PLCH1: variants seen among roughly 807,000 people sequenced by gnomAD.
PLCH1 encodes the protein 1-phosphatidylinositol 4,5-bisphosphate phosphodiesterase eta-1.
A neutral mutation model predicts 126.7 loss-of-function variants in PLCH1; 60 were observed. That is an observed-to-expected ratio of 0.47 (90% confidence interval 0.38 to 0.59). The LOEUF (loss-of-function observed/expected upper bound fraction) is 0.59. Ranked by LOEUF, PLCH1 falls within the 20% of genes least tolerant of loss-of-function variation. The pLI is 0.00. For synonymous variants in PLCH1, 719 were observed against 734.9 expected (o/e 0.98, Z 0.35); for missense variants, 1,723 against 2,040.0 (o/e 0.84, Z 2.99).
chr3:155,511,705 C>T lies in PLCH1; in HGVS notation c.1632+3018G>A, dbSNP rs965347836. On this transcript the variant is annotated intron_variant, in intron 12 of 22. Coordinates refer to ENST00000460012, the MANE Select transcript of PLCH1 (RefSeq NM_014996.4). ...GGACCCACTTGAGGAGGCAGTCTGC[C>T]CGTTCTCAGATCTCCAGCTGCGTGC... Among the ~76,000 whole-genome samples, 7 of 142,680 alleles carry T rather than the reference C, an allele frequency of 4.9e-5. No individual in the cohort carries two copies. The East Asian group carries it at 8.3e-4, about 17-fold the overall frequency. The allele number at this position is 142,680 out of a possible 152,430, so 93.6% of individuals were successfully genotyped here. A position where few individuals can be genotyped will look rare whatever the true frequency, so the allele number is the denominator to read the frequency against.
At position 155,491,014 on chromosome 3, in the gene PLCH1, G is replaced by A. The variant is rs1432191858; in HGVS notation, c.2308-146C>T. 4.2e-5 allele frequency: 24 copies of A among 571,174 alleles called. No individual in the cohort carries two copies. The South Asian group carries it at 5.3e-4, about 13-fold the overall frequency. 35.4% of individuals were successfully genotyped at this position (571,174 alleles called of 1,614,324 possible). On this transcript the variant is annotated intron_variant, in intron 18 of 22. Coordinates refer to ENST00000460012, the MANE Select transcript of PLCH1 (RefSeq NM_014996.4). ...GTAAGAAAAAGAAATGGTACTAGGTGTGGTGGATTCAGATATATGAGACAA... is the reference window on the plus strand; with the variant it reads ...GTAAGAAAAAGAAATGGTACTAGGTATGGTGGATTCAGATATATGAGACAA...
At chr3:155,544,491 T>C (rs979336475) in intron 10 of PLCH1, among the ~76,000 whole-genome samples, 9 of 152,068 alleles carry the variant, frequency 5.9e-5, no homozygotes, top group Admixed American at 2.0e-4. Flanking sequence ...GACAGAAAGT[T>C]AACAAGGATA....
intron 10 of PLCH1, among the ~76,000 whole-genome samples, chr3:155,526,973 C>A (rs1204751794): frequency 6.6e-6 from 1 of 152,208 alleles, no homozygotes; most frequent in African/African-American, 2.4e-5. Flanking sequence ...TCAGGAACTA[C>A]TGCCAGAAGT....
intron 1 of PLCH1, among the ~76,000 whole-genome samples, chr3:155,712,121 A>G (rs1308548551): frequency 6.6e-6 from 1 of 152,198 alleles, no homozygotes; most frequent in Non-Finnish European, 1.5e-5. Context: ...CTGATGAAAT[A>G]CGTCAGCATA....
intron 2 of PLCH1, among the ~76,000 whole-genome samples, chr3:155,629,224 C>T (rs1243583773): frequency 6.6e-6 from 1 of 152,202 alleles, no homozygotes; most frequent in African/African-American, 2.4e-5. Context: ...AATGCAGCGG[C>T]TCAAAGTAGT....
At chr3:155,722,751 A>G (rs546352236) in intron 1 of PLCH1, among the ~76,000 whole-genome samples, 6 of 152,232 alleles carry the variant, frequency 3.9e-5, no homozygotes, top group Admixed American at 2.0e-4. Context: ...TTTTGCATCT[A>G]TGTTCATCAA....
intron 6 of PLCH1, among the ~76,000 whole-genome samples, chr3:155,572,070 A>C (rs907073543): frequency 6.6e-6 from 1 of 152,192 alleles, no homozygotes; most frequent in Non-Finnish European, 1.5e-5. Flanking sequence ...CTCAAGTTCC[A>C]CATAATCAAA....
At chr3:155,467,425 T>G (rs1247213246) in intron 21 of PLCH1, among the ~76,000 whole-genome samples, 1 of 151,804 alleles carries the variant, frequency 6.6e-6, no homozygotes, top group Non-Finnish European at 1.5e-5. Flanking sequence ...AATACAAAAA[T>G]TAGCTGGACG....
intron 21 of PLCH1, among the ~76,000 whole-genome samples, chr3:155,471,885 C>T (rs1469853180): frequency 1.3e-5 from 2 of 151,826 alleles, no homozygotes; most frequent in Non-Finnish European, 2.9e-5. Flanking sequence ...CCAACGAGAA[C>T]AAAGACACAA....
intron 2 of PLCH1, among the ~76,000 whole-genome samples, chr3:155,639,371 G>A (rs1385192681): frequency 6.6e-6 from 1 of 152,062 alleles, no homozygotes; most frequent in Non-Finnish European, 1.5e-5. Context: ...TTAGGCAGGA[G>A]GATCACTTGA....
At chr3:155,744,480 C>T (rs1023865715) in intron 1 of PLCH1, among the ~76,000 whole-genome samples, 1 of 152,148 alleles carries the variant, frequency 6.6e-6, no homozygotes, top group Non-Finnish European at 1.5e-5. Flanking sequence ...GAGAGGGTCC[C>T]GGGACCCCGC....
At chr3:155,527,047 G>A (rs1049305681) in intron 10 of PLCH1, among the ~76,000 whole-genome samples, 5 of 152,124 alleles carry the variant, frequency 3.3e-5, no homozygotes, top group Non-Finnish European at 7.4e-5. Flanking sequence ...CCACCAGGAT[G>A]GGTTCAACTT....
rs1560128049 is a variant in PLCH1, at chr3:155,537,197, A to AAC, written c.1362+12589_1362+12590insGT. Among the ~76,000 whole-genome samples the AAC allele has an allele frequency of 2.7e-3, 123 of 45,222 alleles. 2 individuals carry two copies. The highest frequency in any genetic ancestry group is 1.0e-2 in the African/African-American group (111 of 11,128). 29.7% of individuals were successfully genotyped at this position (45,222 alleles called of 152,430 possible). ...CCAAGCTAGCACTACAAAAAAAAAA[A>AAC]AAACCAAAAAAAAAAAAAAAAAAAA... On this transcript the variant is annotated intron_variant, in intron 10 of 22. Transcript: ENST00000460012.
intron 2 of PLCH1, among the ~76,000 whole-genome samples, chr3:155,659,504 T>G (rs368718845): frequency 2.2e-4 from 34 of 151,150 alleles, no homozygotes; most frequent in East Asian, 1.6e-3. Context: ...TTTGTTTTTG[T>G]TTTTGGTTTT....
At chr3:155,568,524 G>T (rs187945461) in intron 6 of PLCH1, among the ~76,000 whole-genome samples, 200 bp from the exon 7 acceptor site, 1 of 152,200 alleles carries the variant, frequency 6.6e-6, no homozygotes, top group East Asian at 1.9e-4. Context: ...TTTTTAGATT[G>T]AATCAGCAAA....
chr3:155,562,498 G>A (rs1727766900), intron 8 of PLCH1, among the ~76,000 whole-genome samples: 1 of 152,044 alleles, frequency 6.6e-6, no homozygotes, highest in African/African-American at 2.4e-5. Flanking sequence ...TAGAAATCCC[G>A]AGACTTGGAT....
At chr3:155,637,863 GC>G (rs1434035098) in intron 2 of PLCH1, among the ~76,000 whole-genome samples, 3 of 152,262 alleles carry the variant, frequency 2.0e-5, no homozygotes, top group African/African-American at 4.8e-5. Context: ...TTCAAAGTGG[GC>G]TCTTGAATTG....
chr3:155,738,580 A>G (rs1749376383), intron 1 of PLCH1, among the ~76,000 whole-genome samples: 1 of 152,050 alleles, frequency 6.6e-6, no homozygotes, highest in Non-Finnish European at 1.5e-5. Flanking sequence ...TCAGGAGATC[A>G]AGACCAGCCT....
At chr3:155,554,414 G>A (rs359550) in intron 8 of PLCH1, among the ~76,000 whole-genome samples, 74,848 of 152,006 alleles carry the variant, frequency 0.49, 21,529 homozygotes, top group Non-Finnish European at 0.66. Flanking sequence ...ATTTGGTTTT[G>A]AGTGTGGTTA....
Sources: gnomAD v4.1 joint callset for allele counts (sites outside exome capture counted in the v4.1 genomes callset) on GRCh38, gnomAD v4.1.1 for gene constraint, MANE v1.5 for transcripts, NCBI Gene and HGNC (gene_info 2026-07-23, HGNC 2026-07-21) for gene names.